PLCD1: variants seen among roughly 807,000 people sequenced by gnomAD.
PLCD1 encodes the protein 1-phosphatidylinositol 4,5-bisphosphate phosphodiesterase delta-1.
Under a neutral mutation model 87.4 loss-of-function variants are expected in PLCD1, and 71 were observed. That is an observed-to-expected ratio of 0.81 (90% CI 0.67 to 0.99). PLCD1 has a LOEUF of 0.99. Ranked by LOEUF, PLCD1 falls within the 50% of genes least tolerant of loss-of-function variation. The pLI is 0.00. For missense variants in PLCD1, 867 were observed against 1,001.5 expected (o/e 0.87, Z 1.81); for synonymous variants, 348 against 399.2 (o/e 0.87, Z 1.53).
At position 38,007,868 on chromosome 3, in the gene PLCD1, G is replaced by T. The variant is rs763631877; in HGVS notation, c.2186-10C>A. On this transcript the variant is annotated splice_polypyrimidine_tract_variant and intron_variant, in intron 14 of 14. Transcript: ENST00000334661. The stretch of plus-strand genomic sequence containing the variant: ...TGGACATGGCGGTATCCTGGTGGGT[G>T]GACAGGCAGGAGGGAACACAGAGAG... The T allele has an allele frequency of 1.2e-6, 2 of 1,612,614 alleles. No homozygotes were observed. The highest frequency in any genetic ancestry group is 2.2e-5 in the South Asian group (2 of 91,060).
chr3:38,020,043 C>T, intron 2 of PLCD1, 145 bp downstream of exon 2: 4 of 773,914 alleles, frequency 5.2e-6, no homozygotes, highest in Non-Finnish European at 8.9e-6. Context: ...ACTGCCAGCC[C>T]AGGTTATATA....
chr3:38,019,134 G>A (rs1700197447), intron 2 of PLCD1: 1 of 152,062 alleles, frequency 6.6e-6, no homozygotes. Flanking sequence ...CCCATGTCCA[G>A]TCTCACTCCC....
At chr3:38,021,063 T>A in intron 1 of PLCD1, among the ~76,000 whole-genome samples, 1 of 152,142 alleles carries the variant, frequency 6.6e-6, no homozygotes, top group East Asian at 1.9e-4. Flanking sequence ...GGCCCCAAGA[T>A]AATGGCAGTT....
In PLCD1 at chr3:38,010,123, A is replaced by G. The variant is rs745874849; in HGVS notation, c.1137+8T>C. The G allele has an allele frequency of 1.9e-6, 3 of 1,614,176 alleles. No homozygotes were observed. The East Asian group carries it at 6.7e-5, about 36-fold the overall frequency. On this transcript the variant is annotated splice_region_variant and intron_variant, in intron 7 of 14. Transcript: ENST00000334661. The stretch of plus-strand genomic sequence containing the variant: ...ATCCCACTCCTCACCTGCCAGGGGC[A>G]CTCCCACCTTGAAGGCATAGTCCCG...
Position 38,011,431 on chromosome 3 carries a change from G to C in PLCD1, c.573C>G (p.Ser191=). 6.2e-7 allele frequency: 1 copy of C among 1,614,044 alleles called. No homozygotes were observed. The highest frequency in any genetic ancestry group is 1.3e-5 in the African/African-American group (1 of 75,058). ...ARKIFRECDH[S]QTDSLEDEEI... ...CCTCGTCCTCCAGGGAGTCTGTCTG[G>C]GAGTGGTCACACTCCTGCAGAGCCA... Residue 191 remains serine (S), a synonymous_variant, in exon 5 of 15, where the codon TCC becomes TCG. Transcript: ENST00000334661.
At chr3:38,010,839 C>T (rs1366815439) in intron 5 of PLCD1, among the ~76,000 whole-genome samples, 1 of 152,256 alleles carries the variant, frequency 6.6e-6, no homozygotes, top group East Asian at 1.9e-4. Flanking sequence ...CAGACTGGAG[C>T]CCCCTCCAGG....
At chr3:38,024,651 G>C (rs1015234912) in intron 1 of PLCD1, 20 of 1,518,714 alleles carry the variant, frequency 1.3e-5, no homozygotes, top group African/African-American at 5.5e-5. Flanking sequence ...CTGGGCTGAG[G>C]GGGTAGTCAG....
chr3:38,011,764 T>C (rs1395799806), intron 3 of PLCD1, 91 bp from the exon 4 acceptor site: 14 of 1,255,982 alleles, frequency 1.1e-5, no homozygotes, highest in Non-Finnish European at 7.0e-6. Flanking sequence ...AAGCCACCTA[T>C]AGCCACAGCT....
At position 38,025,713 on chromosome 3, in the gene PLCD1, C is replaced by T. The variant is rs565907457; in HGVS notation, c.34+3793G>A. ...CACAAAACTTTGCTGCCAATATGCT[C>T]GGGAACAGTGGGTCCTTTCATGTAC... On this transcript the variant is annotated intron_variant, in intron 1 of 14. Transcript: ENST00000334661. This position sits in a 1 kb window ranked among gnomAD's most constrained non-coding sequence, Gnocchi z 4.0. Among the ~76,000 whole-genome samples the T allele has an allele frequency of 1.1e-4, 16 of 152,322 alleles. No individual in the cohort carries two copies. Among genetic ancestry groups the T allele is most frequent in the African/African-American group, 2.4e-5 (1 of 41,570 alleles).
intron 1 of PLCD1, 90 bp downstream of exon 1, chr3:38,029,416 G>T: frequency 8.3e-7 from 1 of 1,204,596 alleles, no homozygotes; most frequent in Non-Finnish European, 1.2e-6. Context: ...GGCGGCCGAA[G>T]GAGCTGGGGG....
chr3:38,013,586 T>C (rs1206969511), intron 3 of PLCD1, among the ~76,000 whole-genome samples: 1 of 152,268 alleles, frequency 6.6e-6, no homozygotes, highest in Non-Finnish European at 1.5e-5. Flanking sequence ...ATTTTCTGTG[T>C]AACATTATAT....
intron 1 of PLCD1, among the ~76,000 whole-genome samples, chr3:38,026,709 C>T (rs1700313456): frequency 6.6e-6 from 1 of 152,184 alleles, no homozygotes; most frequent in South Asian, 2.1e-4. Context: ...GAGCTGGCCA[C>T]CCCAACTTGC....
rs755836164 is a variant in PLCD1, at chr3:38,009,733, C to T, written c.1366G>A (p.Ala456Thr). ...TCGTCTTCGTCTGACACCACAGTGG[C>T]CTCAGGGCCACCCTCCCCTCCAGGG... The part of the protein sequence containing the change: ...LPPGGEGGPE[A>T]TVVSDEDEAA... Residue 456 changes from alanine to threonine, a missense_variant, in exon 9 of 15, where the codon GCC becomes ACC. Ala to Thr is a moderately conservative substitution (Grantham distance 58, BLOSUM62 0). Transcript: ENST00000334661. 6.2e-6 allele frequency: 10 copies of T among 1,614,032 alleles called. No individual in the cohort carries two copies. Among genetic ancestry groups the T allele is most frequent in the African/African-American group, 4.0e-5 (3 of 74,942 alleles).
chr3:38,013,477 T>C (rs1255295548), intron 3 of PLCD1, among the ~76,000 whole-genome samples: 2 of 152,214 alleles, frequency 1.3e-5, no homozygotes, highest in Non-Finnish European at 2.9e-5. Flanking sequence ...CCTCCCAAAG[T>C]GCTGGGATTA....
intron 2 of PLCD1, 90 bp from the exon 3 acceptor site, chr3:38,016,809 G>C (rs1700163623): frequency 3.3e-6 from 3 of 919,696 alleles, no homozygotes; most frequent in Non-Finnish European, 5.2e-6. Context: ...AGTAGAGAGG[G>C]GCATGGCTTG....
chr3:38,023,084 T>C (rs1357560766), intron 1 of PLCD1, among the ~76,000 whole-genome samples: 1 of 152,002 alleles, frequency 6.6e-6, no homozygotes, highest in Non-Finnish European at 1.5e-5. Flanking sequence ...GGCCATGTGG[T>C]GGGGCATACA....
chr3:38,008,535 G>A lies in PLCD1; in HGVS notation c.1825C>T (p.Arg609Ter), dbSNP rs139380872. ...GGGTTAAAGGTGCCGTTGGGGTCTC[G>A]CAGGAAGGCGGGCTTCAGCACGTAC... ...CGYVLKPAFL[R>*]DPNGTFNPRA... Residue 609 changes from arginine (R) to a stop codon, truncating the protein, a stop_gained, in exon 12 of 15, where the codon CGA becomes TGA. Transcript: ENST00000334661. LOFTEE classifies it high-confidence loss of function. The A allele has an allele frequency of 3.8e-5, 62 of 1,614,058 alleles. No individual in the cohort carries two copies. Among genetic ancestry groups the A allele is most frequent in the Non-Finnish European group, 5.0e-5 (59 of 1,180,018 alleles).
intron 5 of PLCD1, 89 bp downstream of exon 5, chr3:38,011,125 C>T: frequency 9.6e-7 from 1 of 1,040,996 alleles, no homozygotes; most frequent in Non-Finnish European, 1.4e-6. Context: ...CCCTCCGGTT[C>T]CCTTCTTTCT....
Position 38,009,892 on chromosome 3 carries a change from C to A in PLCD1, c.1287+12G>T, listed in dbSNP as rs1700041236. On this transcript the variant is annotated intron_variant, in intron 8 of 14. Coordinates refer to ENST00000334661, the MANE Select transcript of PLCD1 (RefSeq NM_006225.4). ...CACCCTCCCCCAGGGATCCCCCATC[C>A]CCACCACACACCTCAGGGGAGGGCA... 1.9e-6 allele frequency: 3 copies of A among 1,599,154 alleles called. No homozygotes were observed. The highest frequency in any genetic ancestry group is 1.3e-5 in the African/African-American group (1 of 74,648).
Sources: gnomAD v4.1 joint callset for allele counts (sites outside exome capture counted in the v4.1 genomes callset) on GRCh38, gnomAD v4.1.1 for gene constraint, Gnocchi (gnomAD v3.1) non-coding constraint, MANE v1.5 for transcripts, NCBI Gene and HGNC (gene_info 2026-07-23, HGNC 2026-07-21) for gene names.